CD8B2: variants seen among roughly 807,000 people sequenced by gnomAD.
CD8B2 encodes the protein T-cell surface glycoprotein CD8 beta-2 chain.
In CD8B2, 11 loss-of-function variants were observed where a neutral mutation model predicts 23.7. The observed-to-expected ratio is 0.46, with a 90% confidence interval of 0.29 to 0.77. The LOEUF is 0.77. CD8B2 is among the 30% of genes least tolerant of loss of function. CD8B2 has a pLI of 0.09. For missense variants in CD8B2, 197 were observed against 270.5 expected (o/e 0.73, Z 1.91); for synonymous variants, 90 against 109.3 (o/e 0.82, Z 1.10).
At chr2:106,499,591 C>A (rs898139414) in intron 3 of CD8B2, among the ~76,000 whole-genome samples, 1 of 151,582 alleles carries the variant, frequency 6.6e-6, no homozygotes, top group African/African-American at 2.4e-5. Context: ...AAAGTTCACC[C>A]ATTTTAAGCA....
Position 106,509,882 on chromosome 2 carries a change from C to G in CD8B2, c.*2942C>G, listed in dbSNP as rs1385860757. 1 of 152,172 alleles carries G rather than the reference C, an allele frequency of 6.6e-6. No homozygotes were observed. Among genetic ancestry groups the G allele is most frequent in the Non-Finnish European group, 1.5e-5 (1 of 68,034 alleles). 9.4% of individuals were successfully genotyped at this position (152,172 alleles called of 1,614,324 possible). A position where few individuals can be genotyped will look rare whatever the true frequency, so the allele number is the denominator to read the frequency against. ...AAAAAGTGGCATGCACAAAGAAATA[C>G]GCATCAGATTGTTCCTTCTAGTGCT... On this transcript the variant is annotated 3_prime_UTR_variant, in exon 6 of 6. Transcript: ENST00000643224.
rs147851403 is a variant in CD8B2, at chr2:106,509,411, G to C, written c.*2471G>C. ...TAAGAGATTAAGGCCTGCAGTGCAC[G>C]TGGTCTGCCCTCCTTGAAGGCTCAC... On this transcript the variant is annotated 3_prime_UTR_variant, in exon 6 of 6. Coordinates refer to ENST00000643224, the MANE Select transcript of CD8B2 (RefSeq NM_001349727.2). 6.6e-6 allele frequency: 1 copy of C among 152,284 alleles called. No individual in the cohort carries two copies. The highest frequency in any genetic ancestry group is 1.5e-5 in the Non-Finnish European group (1 of 68,088). The allele number at this position is 152,284 out of a possible 1,614,324, so 9.4% of individuals were successfully genotyped here.
chr2:106,527,110 G>A (rs1054399912), intron 5 of CD8B2, among the ~76,000 whole-genome samples: 26 of 152,178 alleles, frequency 1.7e-4, no homozygotes, highest in African/African-American at 5.6e-4. Flanking sequence ...ATTGCTGGGT[G>A]AAATAATAAC....
At chr2:106,497,075 A>G in intron 3 of CD8B2, among the ~76,000 whole-genome samples, 1 of 152,224 alleles carries the variant, frequency 6.6e-6, no homozygotes, top group Non-Finnish European at 1.5e-5. Context: ...CAGGAGTTAG[A>G]GACCAGCCTG....
chr2:106,539,092 C>G (rs1680134480), intron 5 of CD8B2, among the ~76,000 whole-genome samples: 1 of 152,234 alleles, frequency 6.6e-6, no homozygotes. Context: ...ACACCTTGGC[C>G]TCACTCATTT....
At chr2:106,491,363 C>A in intron 2 of CD8B2, 130 bp downstream of exon 2, 1 of 792,918 alleles carries the variant, frequency 1.3e-6, no homozygotes, top group Non-Finnish European at 2.1e-6. Context: ...CTAATAGTAA[C>A]AGAAAGAACA....
intron 5 of CD8B2, chr2:106,521,584 G>C (rs1303398941): frequency 6.6e-6 from 1 of 152,254 alleles, no homozygotes; most frequent in African/African-American, 2.4e-5. Context: ...CACAAGAGAA[G>C]TGACTGAGAA....
At chr2:106,499,259 A>T (rs999466801) in intron 3 of CD8B2, among the ~76,000 whole-genome samples, 2 of 152,096 alleles carry the variant, frequency 1.3e-5, no homozygotes, top group African/African-American at 4.8e-5. Context: ...TGAGCTAGGC[A>T]TGGTGGCTCA....
rs546623373 is a variant in CD8B2 at position 106,526,741 on chromosome 2, C to T, written c.621-17251C>T. Among the ~76,000 whole-genome samples the T allele has an allele frequency of 1.9e-3, 295 of 151,594 alleles. 1 individual carries two copies. The highest frequency in any genetic ancestry group is 3.4e-3 in the Non-Finnish European group (231 of 67,864). On this transcript the variant is annotated intron_variant, in intron 5 of 5. Coordinates refer to the CD8B2 transcript ENST00000416057. ...TCTCGGCTCACTGCAACCTCTGCCT[C>T]CTGGTTCAAGCGATTCTCCTGCCTC...
At chr2:106,501,550 C>T (rs545243615) in intron 3 of CD8B2, among the ~76,000 whole-genome samples, 13 of 152,170 alleles carry the variant, frequency 8.5e-5, no homozygotes, top group East Asian at 1.9e-4. Flanking sequence ...GGCATGACGG[C>T]GGACGCCTGT....
At chr2:106,491,364 A>C in intron 2 of CD8B2, 131 bp downstream of exon 2, 1 of 794,212 alleles carries the variant, frequency 1.3e-6, no homozygotes, top group South Asian at 1.7e-5. Context: ...TAATAGTAAC[A>C]GAAAGAACAT....
At chr2:106,514,539 G>A (rs372667219), downstream of CD8B2, among the ~76,000 whole-genome samples, 5 of 151,662 alleles carry the variant, frequency 3.3e-5, no homozygotes, top group African/African-American at 9.7e-5. Flanking sequence ...CTCCTGCCTC[G>A]GCCTCCCAAA....
chr2:106,506,982 G>T lies in CD8B2; in HGVS notation c.*42G>T. On this transcript the variant is annotated 3_prime_UTR_variant, in exon 6 of 6. Transcript: ENST00000643224. Reference sequence around the variant, plus strand: ...TGGTGTCCTGCTACAAAAAGACATCGGTCAGTAACGAGCACGATGTGGAAA... The same window carrying T: ...TGGTGTCCTGCTACAAAAAGACATCTGTCAGTAACGAGCACGATGTGGAAA... 2 of 1,581,016 alleles carry T rather than the reference G, an allele frequency of 1.3e-6. No homozygotes were observed. Among genetic ancestry groups the T allele is most frequent in the East Asian group, 2.2e-5 (1 of 44,498 alleles).
chr2:106,536,028 C>T (rs1172040553), intron 5 of CD8B2, among the ~76,000 whole-genome samples: 6 of 142,244 alleles, frequency 4.2e-5, no homozygotes. Flanking sequence ...GTGCCACACA[C>T]ACTTTTTTTT....
At chr2:106,530,641 A>T (rs1679979558) in intron 5 of CD8B2, among the ~76,000 whole-genome samples, 1 of 152,078 alleles carries the variant, frequency 6.6e-6, no homozygotes, top group African/African-American at 2.4e-5. Context: ...GGCCTCCCAA[A>T]GTGCTTGAAT....
chr2:106,507,667 G>A lies in CD8B2; in HGVS notation c.*727G>A, dbSNP rs1015237756. 8.4e-6 allele frequency: 8 copies of A among 955,036 alleles called. No homozygotes were observed. The highest frequency in any genetic ancestry group is 3.5e-5 in the African/African-American group (2 of 56,548). The allele number at this position is 955,036 out of a possible 1,614,324, so 59.2% of individuals were successfully genotyped here. ...AAGTCCCAGGTTAAAGATAACAAAC[G>A]GGTCCTGTGACATAAACGTACGAAA... On this transcript the variant is annotated 3_prime_UTR_variant, in exon 6 of 6. Coordinates refer to ENST00000643224, the MANE Select transcript of CD8B2 (RefSeq NM_001349727.2).
At chr2:106,495,139 C>A (rs1159339315) in intron 2 of CD8B2, among the ~76,000 whole-genome samples, 1 of 152,020 alleles carries the variant, frequency 6.6e-6, no homozygotes, top group Admixed American at 6.6e-5. Flanking sequence ...CTCAGATAAT[C>A]CCAAGAAGGA....
At chr2:106,542,209 A>G (rs891016859) in intron 5 of CD8B2, among the ~76,000 whole-genome samples, 2 of 152,224 alleles carry the variant, frequency 1.3e-5, no homozygotes, top group African/African-American at 4.8e-5. Context: ...TGTTGTCTGC[A>G]CAGCATTTTG....
At chr2:106,538,858 C>G (rs1462150132) in intron 5 of CD8B2, among the ~76,000 whole-genome samples, 1 of 151,942 alleles carries the variant, frequency 6.6e-6, no homozygotes, top group African/African-American at 2.4e-5. Flanking sequence ...CCTTCCTCAT[C>G]AGGCCGGGCA....
Sources: gnomAD v4.1 joint callset for allele counts (sites outside exome capture counted in the v4.1 genomes callset) on GRCh38, gnomAD v4.1.1 for gene constraint, MANE v1.5 for transcripts, NCBI Gene and HGNC (gene_info 2026-07-23, HGNC 2026-07-21) for gene names.